The following ROBO1 variants were observed in gnomAD, a reference collection of about 807,000 sequenced individuals.
ROBO1 encodes the protein roundabout guidance receptor 1.
ROBO1 carries 149 observed loss-of-function variants against 195.9 expected under a neutral mutation model. That is an observed-to-expected ratio of 0.76 (90% CI 0.67 to 0.87). The LOEUF is 0.87. Among genes scored for constraint, ROBO1 ranks in the 40% least tolerant of loss-of-function variants. ROBO1 has a pLI of 0.00. For synonymous variants in ROBO1, 816 were observed against 733.2 expected (o/e 1.11, Z -1.82); for missense variants, 1,933 against 2,068.3 (o/e 0.93, Z 1.27).
At chr3:78,738,209 G>C (rs2082438253) in intron 5 of ROBO1, among the ~76,000 whole-genome samples, 1 of 152,066 alleles carries the variant, frequency 6.6e-6, no homozygotes, top group African/African-American at 2.4e-5. Context: ...GAAGGGCACT[G>C]GGGATTTGGA....
chr3:79,141,624 C>G (rs1178391095), intron 2 of ROBO1, among the ~76,000 whole-genome samples: 1 of 151,496 alleles, frequency 6.6e-6, no homozygotes, highest in Admixed American at 6.6e-5. Context: ...CACCCTCCCC[C>G]ACTTCTCCAT....
chr3:79,442,062 C>T (rs1463119361), intron 2 of ROBO1, among the ~76,000 whole-genome samples: 1 of 152,088 alleles, frequency 6.6e-6, no homozygotes, highest in African/African-American at 2.4e-5. Context: ...TATAATCTCT[C>T]GGCTCCTCAA....
intron 1 of ROBO1, among the ~76,000 whole-genome samples, chr3:79,764,605 C>T (rs373668712): frequency 6.6e-6 from 1 of 152,240 alleles, no homozygotes; most frequent in East Asian, 1.9e-4. Flanking sequence ...AGTTTCTCAG[C>T]TTTGTAATGA....
At chr3:78,789,694 C>T (rs566401648) in intron 4 of ROBO1, among the ~76,000 whole-genome samples, 11 of 152,154 alleles carry the variant, frequency 7.2e-5, no homozygotes, top group African/African-American at 1.7e-4. Flanking sequence ...GAACACGGGG[C>T]GACTCTCACT....
chr3:79,265,617 C>G (rs1366727103), intron 2 of ROBO1, among the ~76,000 whole-genome samples: 6 of 151,398 alleles, frequency 4.0e-5, no homozygotes, highest in African/African-American at 1.4e-4. Flanking sequence ...GTAAGAAGAG[C>G]TTTCAGAGTT....
At chr3:78,871,648 T>C (rs2035552452) in intron 4 of ROBO1, among the ~76,000 whole-genome samples, 1 of 149,058 alleles carries the variant, frequency 6.7e-6, no homozygotes, top group South Asian at 2.1e-4. Context: ...TTACAATGTG[T>C]GAAAAGAATG....
intron 2 of ROBO1, among the ~76,000 whole-genome samples, chr3:79,435,663 A>G (rs903004694): frequency 6.6e-6 from 1 of 152,280 alleles, no homozygotes; most frequent in South Asian, 2.1e-4. Context: ...GTAAAGTATT[A>G]ATCAAATTGA....
chr3:79,245,672 T>G (rs951161532), intron 2 of ROBO1, among the ~76,000 whole-genome samples: 1 of 151,990 alleles, frequency 6.6e-6, no homozygotes, highest in Non-Finnish European at 1.5e-5. Flanking sequence ...AAAGTTACAT[T>G]GTAGAAGGTA....
chr3:79,018,297 CG>C, intron 3 of ROBO1: 1 of 1,250,520 alleles, frequency 8.0e-7, no homozygotes, highest in Non-Finnish European at 1.2e-6. Flanking sequence ...CGAGCCCCTC[CG>C]GCCTTAGGAG....
chr3:79,465,168 CT>C (rs139189730), intron 2 of ROBO1, among the ~76,000 whole-genome samples: 1,688 of 152,190 alleles, frequency 0.011, 31 homozygotes, highest in African/African-American at 0.039. Flanking sequence ...TATGCACTTA[CT>C]ATGAAAATAC....
intron 4 of ROBO1, among the ~76,000 whole-genome samples, chr3:78,769,450 T>C (rs575272918): frequency 6.6e-6 from 1 of 152,170 alleles, no homozygotes; most frequent in South Asian, 2.1e-4. Context: ...TGTGAGTCCT[T>C]TTGTGTTAGG....
intron 10 of ROBO1, among the ~76,000 whole-genome samples, chr3:78,676,936 T>C (rs1708471845): frequency 6.6e-6 from 1 of 152,122 alleles, no homozygotes; most frequent in Non-Finnish European, 1.5e-5. Context: ...AAAGGTCAGG[T>C]TACCCACAAA....
At chr3:79,022,439 C>T (rs758475842) in intron 3 of ROBO1, among the ~76,000 whole-genome samples, 3 of 152,210 alleles carry the variant, frequency 2.0e-5, no homozygotes, top group Non-Finnish European at 4.4e-5. Flanking sequence ...CATCCCAGTA[C>T]ATTCCTAGAG....
rs190862006 is a variant in ROBO1 at position 78,968,582 on chromosome 3, A to T, written c.173-29655T>A. ...TATTCTTAAATAAAATAGATATTTTAAAATGATCAACTCTTTGGTCTCCAA... is the reference window on the plus strand; with the variant it reads ...TATTCTTAAATAAAATAGATATTTTTAAATGATCAACTCTTTGGTCTCCAA... On this transcript the variant is annotated intron_variant, in intron 3 of 30. Transcript: ENST00000464233. 5.2e-4 allele frequency among the ~76,000 whole-genome samples: 79 copies of T among 152,170 alleles called. 1 individual carries two copies. In the East Asian group the frequency reaches 0.013, roughly 24 times the overall value.
Position 78,614,805 on chromosome 3 carries a change from GGAGA to G in ROBO1, c.4283-9_4283-6del, listed in dbSNP as rs748070110. On this transcript the variant is annotated splice_region_variant and splice_polypyrimidine_tract_variant and intron_variant, in intron 27 of 30. Transcript: ENST00000464233. ...ACGCATGAAAATGTCGACGGCCTAAGGAGAAAAAAAAAAAAAATCCAAGCCAAAC... is the reference window on the plus strand; with the variant it reads ...ACGCATGAAAATGTCGACGGCCTAAGAAAAAAAAAAAAATCCAAGCCAAAC... 1.4e-6 allele frequency: 2 copies of G among 1,478,622 alleles called. No homozygotes were observed. The highest frequency in any genetic ancestry group is 2.4e-5 in the Admixed American group (1 of 40,954). 91.6% of individuals were successfully genotyped at this position (1,478,622 alleles called of 1,614,324 possible).
In ROBO1 at chr3:79,657,292, C is replaced by T. The variant is rs185718860; in HGVS notation, c.-50-67331G>A. Among the ~76,000 whole-genome samples, 3 of 152,150 alleles carry T rather than the reference C, an allele frequency of 2.0e-5. No individual in the cohort carries two copies. The East Asian group carries it at 5.8e-4, about 30-fold the overall frequency. On this transcript the variant is annotated intron_variant, in intron 1 of 30. Transcript: ENST00000464233. ...ACAATGCTGAATAAGCATTTTGATG[C>T]TTTTTCAATTAATATTTTGAACAGA...
At chr3:79,699,408 T>C (rs1044284306) in intron 1 of ROBO1, among the ~76,000 whole-genome samples, 2 of 151,560 alleles carry the variant, frequency 1.3e-5, no homozygotes, top group Admixed American at 6.6e-5. Context: ...CTCGGACATT[T>C]CAAAATCTCG....
rs2036099365 is a variant in ROBO1, at chr3:78,880,186, T to A, written c.499+58415A>T. On this transcript the variant is annotated intron_variant, in intron 4 of 30. Coordinates refer to ENST00000464233, the MANE Select transcript of ROBO1 (RefSeq NM_002941.4). ...ACCTTAAATTCCAATAAAATTAGCA[T>A]GCTAAAACTTTAAACTTTAAAGACC... Among the ~76,000 whole-genome samples, 4 of 152,286 alleles carry A rather than the reference T, an allele frequency of 2.6e-5. No individual in the cohort carries two copies. The South Asian group carries it at 8.3e-4, about 32-fold the overall frequency.
At chr3:78,868,394 AC>A (rs1260815021) in intron 4 of ROBO1, among the ~76,000 whole-genome samples, 1 of 152,054 alleles carries the variant, frequency 6.6e-6, no homozygotes, top group Non-Finnish European at 1.5e-5. Flanking sequence ...AAAAAAGACT[AC>A]CAAAAAAGTT....
Sources: allele counts gnomAD v4.1 joint callset (sites outside exome capture counted in the v4.1 genomes callset), GRCh38; gene constraint gnomAD v4.1.1; transcripts MANE v1.5; gene names NCBI Gene and HGNC (gene_info 2026-07-23, HGNC 2026-07-21).